Variants in SLC35D4 observed in about 807,000 individuals in gnomAD.
SLC35D4 encodes the protein UDP-N-acetylglucosamine transporter SLC35D4.
At chr18:23,246,088 A>T in the SLC35D4 span, among the ~76,000 whole-genome samples, 3 of 152,060 alleles carry the variant, frequency 2.0e-5, no homozygotes, top group South Asian at 2.1e-4. Flanking sequence ...CAACGGTGTA[A>T]CCCTGTCTCT....
chr18:23,361,103 C>CAAAAAAAAAAAAAAAAAAAAAAAAAAA, the SLC35D4 span, among the ~76,000 whole-genome samples: 8 of 94,092 alleles, frequency 8.5e-5, no homozygotes, highest in African/African-American at 1.2e-4. Context: ...GACTTTGTCT[C>CAAAAAAAAAAAAAAAAAAAAAAAAAAA]AAAAAAAAAA....
At chr18:23,373,598 G>T in the SLC35D4 span, 2 of 1,214,082 alleles carry the variant, frequency 1.6e-6, no homozygotes, top group East Asian at 2.4e-5. Flanking sequence ...GAATGCTTCT[G>T]CATAGGCCAA....
chr18:23,302,035 G>A, the SLC35D4 span, among the ~76,000 whole-genome samples: 704 of 152,326 alleles, frequency 4.6e-3, 6 homozygotes, highest in African/African-American at 0.016. Context: ...TTGAAGGCTG[G>A]CCACTCAGTG....
At chr18:23,274,588 A>ATCCTCT in the SLC35D4 span, among the ~76,000 whole-genome samples, 23 of 152,260 alleles carry the variant, frequency 1.5e-4, no homozygotes, top group Admixed American at 9.8e-4. Context: ...CAGTGGGTCC[A>ATCCTCT]TCCTCTCCCT....
At chr18:23,328,493 A>G in the SLC35D4 span, among the ~76,000 whole-genome samples, 2 of 152,234 alleles carry the variant, frequency 1.3e-5, no homozygotes, top group African/African-American at 4.8e-5. Flanking sequence ...AATCCAACTC[A>G]CAAGGGATGT....
chr18:23,371,646 T>G, the SLC35D4 span, among the ~76,000 whole-genome samples: 2 of 151,982 alleles, frequency 1.3e-5, no homozygotes, highest in Admixed American at 1.3e-4. Flanking sequence ...ACCAGTTGCC[T>G]ACATCTTCCT....
the SLC35D4 span, among the ~76,000 whole-genome samples, chr18:23,434,509 G>C: frequency 6.6e-6 from 1 of 152,142 alleles, no homozygotes; most frequent in Non-Finnish European, 1.5e-5. Context: ...TTTGTTGGCT[G>C]GGCACAGTGG....
At chr18:23,309,458 A>G in the SLC35D4 span, among the ~76,000 whole-genome samples, 1 of 151,872 alleles carries the variant, frequency 6.6e-6, no homozygotes, top group Non-Finnish European at 1.5e-5. Context: ...AAATCCATCA[A>G]GTAGTATATT....
chr18:23,255,662 C>T, the SLC35D4 span, among the ~76,000 whole-genome samples: 1 of 151,118 alleles, frequency 6.6e-6, no homozygotes, highest in Non-Finnish European at 1.5e-5. Flanking sequence ...CAGACTCAAG[C>T]AATCCTCCCA....
At chr18:23,421,674 CTT>C in the SLC35D4 span, among the ~76,000 whole-genome samples, 8 of 136,410 alleles carry the variant, frequency 5.9e-5, no homozygotes, top group Non-Finnish European at 6.3e-5. Context: ...TTCTTCTCCT[CTT>C]TTTTTTTTTT....
chr18:23,275,861 T>A, the SLC35D4 span, among the ~76,000 whole-genome samples: 1 of 152,194 alleles, frequency 6.6e-6, no homozygotes, highest in South Asian at 2.1e-4. Context: ...AGATGTCGTG[T>A]GACTCCACTG....
the SLC35D4 span, among the ~76,000 whole-genome samples, chr18:23,405,472 G>A: frequency 6.6e-6 from 1 of 152,190 alleles, no homozygotes; most frequent in Non-Finnish European, 1.5e-5. Flanking sequence ...TTACAGGCAT[G>A]AGCCACCACA....
the SLC35D4 span, among the ~76,000 whole-genome samples, chr18:23,286,706 A>G: frequency 4.0e-5 from 6 of 151,850 alleles, no homozygotes; most frequent in East Asian, 1.9e-4. Context: ...GTAGGTATTG[A>G]CGGCCAGGCT....
chr18:23,412,589 C>A, the SLC35D4 span, among the ~76,000 whole-genome samples: 4 of 152,086 alleles, frequency 2.6e-5, no homozygotes, highest in Non-Finnish European at 5.9e-5. Flanking sequence ...TTCACTCTTC[C>A]TCCTGACTCA....
chr18:23,275,863 ACTCCACT>A, the SLC35D4 span, among the ~76,000 whole-genome samples: 1 of 152,064 alleles, frequency 6.6e-6, no homozygotes, highest in South Asian at 2.1e-4. Flanking sequence ...ATGTCGTGTG[ACTCCACT>A]GATGTGAGGT....
At chr18:23,372,531 C>A in the SLC35D4 span, among the ~76,000 whole-genome samples, 1 of 152,330 alleles carries the variant, frequency 6.6e-6, no homozygotes, top group African/African-American at 2.4e-5. Flanking sequence ...TTTGGGCCTC[C>A]TTATTCTATG....
At chr18:23,333,700 T>C in the SLC35D4 span, among the ~76,000 whole-genome samples, 1 of 152,214 alleles carries the variant, frequency 6.6e-6, no homozygotes, top group Non-Finnish European at 1.5e-5. Context: ...AAACCCTCCC[T>C]TTCAGGGCAG....
the SLC35D4 span, among the ~76,000 whole-genome samples, chr18:23,329,331 G>A: frequency 1.8e-4 from 28 of 151,958 alleles, no homozygotes; most frequent in African/African-American, 6.5e-4. Context: ...AATATCCAGA[G>A]TCTACAAAGA....
At chr18:23,397,634 T>C in the SLC35D4 span, among the ~76,000 whole-genome samples, 1,097 of 152,344 alleles carry the variant, frequency 7.2e-3, 2 homozygotes, top group Non-Finnish European at 0.012. Context: ...TTTTTGAGCT[T>C]TCTAACACTT....
Sources: allele counts gnomAD v4.1 joint callset (sites outside exome capture counted in the v4.1 genomes callset), GRCh38; gene constraint gnomAD v4.1.1; transcripts MANE v1.5; gene names NCBI Gene and HGNC (gene_info 2026-07-23, HGNC 2026-07-21).